Variants in ABLIM2 observed in about 807,000 individuals in gnomAD.
ABLIM2 encodes actin binding LIM protein family member 2.
In ABLIM2, 53 loss-of-function variants were observed where a neutral mutation model predicts 97.7. That is an observed-to-expected ratio of 0.54 (90% CI 0.44 to 0.68). The LOEUF (loss-of-function observed/expected upper bound fraction) is 0.68. Ranked by LOEUF, ABLIM2 falls within the 30% of genes least tolerant of loss-of-function variation. The pLI is 0.00. For missense variants in ABLIM2, 835 were observed against 867.2 expected (o/e 0.96, Z 0.47); for synonymous variants, 361 against 345.8 (o/e 1.04, Z -0.49).
At chr4:8,134,393 C>T (rs560671584) in intron 1 of ABLIM2, among the ~76,000 whole-genome samples, 11 of 152,226 alleles carry the variant, frequency 7.2e-5, no homozygotes, top group African/African-American at 9.6e-5. Flanking sequence ...TCGCCCAGGC[C>T]GGAAACTGGG....
intron 3 of ABLIM2, among the ~76,000 whole-genome samples, chr4:8,092,587 G>C (rs1369331340): frequency 6.6e-6 from 1 of 152,134 alleles, no homozygotes; most frequent in Non-Finnish European, 1.5e-5. Flanking sequence ...ATTAGCATAT[G>C]AGATGTAACT....
intron 10 of ABLIM2, among the ~76,000 whole-genome samples, chr4:8,034,493 G>A (rs537666521): frequency 2.3e-4 from 19 of 83,250 alleles, no homozygotes; most frequent in Non-Finnish European, 4.6e-4. Context: ...GGTGCAGGTG[G>A]GTGGGTGGTA....
chr4:8,006,877 A>AG (rs35056915), intron 16 of ABLIM2: 11,499 of 323,102 alleles, frequency 0.036, 474 homozygotes, highest in African/African-American at 0.15. Flanking sequence ...GGATTTTTGC[A>AG]GGGGGGGGGT....
At chr4:8,091,178 C>A (rs538025364) in intron 3 of ABLIM2, among the ~76,000 whole-genome samples, 2 of 145,844 alleles carry the variant, frequency 1.4e-5, no homozygotes, top group Admixed American at 1.5e-4. Flanking sequence ...CTCATGGAGG[C>A]GTAATGGCAT....
chr4:8,032,302 G>C lies in ABLIM2; in HGVS notation c.1048-2526C>G, dbSNP rs764034900. Among the ~76,000 whole-genome samples, 112 of 152,136 alleles carry C rather than the reference G, an allele frequency of 7.4e-4. 1 individual carries two copies. The highest frequency in any genetic ancestry group is 6.3e-3 in the Admixed American group (96 of 15,284). The stretch of plus-strand genomic sequence containing the variant: ...GACTGGGTGCTTCCACACAACCCAC[G>C]TGGAGGGGCAGGAGGCAGGAAGCGC... On this transcript the variant is annotated intron_variant, in intron 10 of 20. Transcript: ENST00000447017. This position sits in a 1 kb window ranked among gnomAD's most constrained non-coding sequence, Gnocchi z 4.3.
At chr4:8,157,988 C>G (rs932544712) in intron 1 of ABLIM2, among the ~76,000 whole-genome samples, 24 of 152,392 alleles carry the variant, frequency 1.6e-4, no homozygotes, top group African/African-American at 5.3e-4. Flanking sequence ...CTCAGTTTCC[C>G]CAACAGCACA....
chr4:8,062,297 C>T (rs1206878712), intron 6 of ABLIM2, among the ~76,000 whole-genome samples: 1 of 152,232 alleles, frequency 6.6e-6, no homozygotes, highest in Non-Finnish European at 1.5e-5. Context: ...GGGCCTGGCA[C>T]CTGGGCCACG....
intron 1 of ABLIM2, among the ~76,000 whole-genome samples, chr4:8,145,697 CCT>C (rs1176737878): frequency 6.6e-6 from 1 of 150,712 alleles, no homozygotes; most frequent in Admixed American, 6.6e-5. Flanking sequence ...AGCAGAACTC[CCT>C]CTCTTTTATA....
rs760854621 is a variant in ABLIM2 at position 8,150,609 on chromosome 4, C to T, written c.10+8071G>A. 3.3e-5 allele frequency among the ~76,000 whole-genome samples: 5 copies of T among 152,212 alleles called. No individual in the cohort carries two copies. The highest frequency in any genetic ancestry group is 6.5e-5 in the Admixed American group (1 of 15,288). On this transcript the variant is annotated intron_variant, in intron 1 of 20. Transcript: ENST00000447017. This position sits in a 1 kb window ranked among gnomAD's most constrained non-coding sequence, Gnocchi z 6.3. The stretch of plus-strand genomic sequence containing the variant: ...CCAGCACAGGGTGCGAGCTCCGTGC[C>T]GGAGGCGGGAGGAGCCACTGCTGCT...
Position 8,158,713 on chromosome 4 carries a change from G to A in ABLIM2, c.-24C>T, listed in dbSNP as rs1716249735. On this transcript the variant is annotated 5_prime_UTR_variant, in exon 1 of 21. Coordinates refer to ENST00000447017, the MANE Select transcript of ABLIM2 (RefSeq NM_001130083.2). Reference sequence around the variant, plus strand: ...ATCTCAGCAGCCGCTCGGAGTCGGGGCGGCCCGGCGCTGCGACAGCCAGAC... The same window carrying A: ...ATCTCAGCAGCCGCTCGGAGTCGGGACGGCCCGGCGCTGCGACAGCCAGAC... 1.4e-6 allele frequency: 2 copies of A among 1,440,844 alleles called. No homozygotes were observed. The highest frequency in any genetic ancestry group is 1.8e-6 in the Non-Finnish European group (2 of 1,096,946). 89.3% of individuals were successfully genotyped at this position (1,440,844 alleles called of 1,614,324 possible). A position where few individuals can be genotyped will look rare whatever the true frequency, so the allele number is the denominator to read the frequency against.
intron 10 of ABLIM2, among the ~76,000 whole-genome samples, chr4:8,030,216 G>C (rs761655681): frequency 2.6e-5 from 4 of 152,192 alleles, no homozygotes; most frequent in Non-Finnish European, 4.4e-5. Flanking sequence ...GGCACATTTG[G>C]AGGTAGAAAG....
In ABLIM2 at chr4:8,020,340, GAA is replaced by G. The variant is rs771341206; in HGVS notation, c.1268-39_1268-38del. On this transcript the variant is annotated intron_variant, in intron 12 of 20. Coordinates refer to ENST00000447017, the MANE Select transcript of ABLIM2 (RefSeq NM_001130083.2). ...AGGGCAAAGGCAGCAGATAGAAGGG[GAA>G]ACGGGAAAGCAAAGTAGAATATTTC... is the stretch of plus-strand genomic sequence containing the variant. 28 of 1,554,062 alleles carry G rather than the reference GAA, an allele frequency of 1.8e-5. No homozygotes were observed. The East Asian group carries it at 5.6e-4, about 31-fold the overall frequency.
chr4:8,099,718 G>A lies in ABLIM2; in HGVS notation c.155-2436C>T, dbSNP rs143939315. On this transcript the variant is annotated intron_variant, in intron 2 of 20. Coordinates refer to ENST00000447017, the MANE Select transcript of ABLIM2 (RefSeq NM_001130083.2). ...AAATTATCCGGGCGTGGTGGCGGGCGCCTGTAGTCCTGGCTACTCGGGAGG... is the reference window on the plus strand; with the variant it reads ...AAATTATCCGGGCGTGGTGGCGGGCACCTGTAGTCCTGGCTACTCGGGAGG... Among the ~76,000 whole-genome samples, 1,119 of 152,170 alleles carry A rather than the reference G, an allele frequency of 7.4e-3. 10 individuals carry two copies. Among genetic ancestry groups the A allele is most frequent in the African/African-American group, 0.025 (1,056 of 41,500 alleles).
rs1755809385 is a variant in ABLIM2, at chr4:7,999,779, C to T, written c.1619-6852G>A. 6.6e-6 allele frequency among the ~76,000 whole-genome samples: 1 copy of T among 152,204 alleles called. No individual in the cohort carries two copies. Among genetic ancestry groups the T allele is most frequent in the Non-Finnish European group, 1.5e-5 (1 of 68,034 alleles). On this transcript the variant is annotated intron_variant, in intron 16 of 20. Transcript: ENST00000447017. This position sits in a 1 kb window ranked among gnomAD's most constrained non-coding sequence, Gnocchi z 4.4. ...TGCAGGCACCAGAGGCCTACCCACTCCATGCCCAGGCTCAGCCAAACCAGG... is the reference window on the plus strand; with the variant it reads ...TGCAGGCACCAGAGGCCTACCCACTTCATGCCCAGGCTCAGCCAAACCAGG...
chr4:8,030,008 G>A lies in ABLIM2; in HGVS notation c.1048-232C>T, dbSNP rs530799896. On this transcript the variant is annotated intron_variant, in intron 10 of 20. Transcript: ENST00000447017. The stretch of plus-strand genomic sequence containing the variant: ...GCCTGCTGGATCCTTGCCACAGGGT[G>A]TGGTACAGGGACCCACTGGCGGGGA... Among the ~76,000 whole-genome samples the A allele has an allele frequency of 3.9e-5, 6 of 152,312 alleles. No individual in the cohort carries two copies. In the East Asian group the frequency reaches 1.2e-3, roughly 29 times the overall value.
At chr4:8,138,731 A>C (rs1222484464) in intron 1 of ABLIM2, among the ~76,000 whole-genome samples, 1 of 152,268 alleles carries the variant, frequency 6.6e-6, no homozygotes, top group Non-Finnish European at 1.5e-5. Context: ...TTAAAGACTT[A>C]AACGTAAAAC....
chr4:8,040,583 C>T (rs1483351024), intron 9 of ABLIM2, among the ~76,000 whole-genome samples: 1 of 151,318 alleles, frequency 6.6e-6, no homozygotes, highest in African/African-American at 2.4e-5. Context: ...TGCACTCCAG[C>T]CTGGGCGACA....
chr4:8,114,977 C>A (rs1339122968), intron 1 of ABLIM2, among the ~76,000 whole-genome samples: 1 of 152,200 alleles, frequency 6.6e-6, no homozygotes, highest in Non-Finnish European at 1.5e-5. Context: ...CAGGAGACGA[C>A]CTGGCCCTCT....
Position 8,021,903 on chromosome 4 carries a change from C to A in ABLIM2, c.1268-1600G>T, listed in dbSNP as rs971130566. ...AGAACAGCATGGAACCTTCTAGAGCCTCAGTTGGCTCTACAGGTGCCCTTG... is the reference window on the plus strand; with the variant it reads ...AGAACAGCATGGAACCTTCTAGAGCATCAGTTGGCTCTACAGGTGCCCTTG... On this transcript the variant is annotated intron_variant, in intron 12 of 20. Coordinates refer to ENST00000447017, the MANE Select transcript of ABLIM2 (RefSeq NM_001130083.2). The surrounding 1 kb of genome is among the most constrained non-coding windows in gnomAD (Gnocchi z 5.5). Among the ~76,000 whole-genome samples, 2 of 152,212 alleles carry A rather than the reference C, an allele frequency of 1.3e-5. No homozygotes were observed. Among genetic ancestry groups the A allele is most frequent in the African/African-American group, 4.8e-5 (2 of 41,454 alleles).
Sources: allele counts gnomAD v4.1 joint callset (sites outside exome capture counted in the v4.1 genomes callset), GRCh38; gene constraint gnomAD v4.1.1; non-coding constraint Gnocchi (gnomAD v3.1); transcripts MANE v1.5; gene names NCBI Gene and HGNC (gene_info 2026-07-23, HGNC 2026-07-21).